The following TMEM272 variants were observed in gnomAD, a reference collection of about 807,000 sequenced individuals.
The protein encoded by TMEM272 is long intergenic non-protein coding RNA 282.
A neutral mutation model predicts 3.7 loss-of-function variants in TMEM272; 8 were observed. That is an observed-to-expected ratio of 2.17 (90% CI 1.27 to 3.91). TMEM272 has a LOEUF of 3.91. TMEM272 is among the 30% of genes most tolerant of loss of function. The pLI, the probability that TMEM272 is intolerant of heterozygous loss-of-function variation, is 0.00. For synonymous variants in TMEM272, 63 were observed against 39.8 expected, an observed-to-expected ratio of 1.58 and a Z score of -2.20; for missense variants, 166 against 91.5, an observed-to-expected ratio of 1.81 and a Z score of -3.32.
the TMEM272 span, among the ~76,000 whole-genome samples, chr13:51,930,732 C>T: frequency 1.3e-5 from 2 of 149,624 alleles, no homozygotes; most frequent in Non-Finnish European, 3.0e-5. Flanking sequence ...TACTAAAACA[C>T]TGTCATAATT....
chr13:51,908,999 T>C, the TMEM272 span: 1 of 1,450,782 alleles, frequency 6.9e-7, no homozygotes, highest in Admixed American at 1.7e-5. Flanking sequence ...AGAGTCTCAG[T>C]GGACCCTCCA....
the TMEM272 span, chr13:51,932,353 C>T: frequency 1.3e-5 from 2 of 152,236 alleles, no homozygotes; most frequent in Non-Finnish European, 2.9e-5. Flanking sequence ...GACACTCACC[C>T]TAGAACAGAG....
the TMEM272 span, among the ~76,000 whole-genome samples, chr13:51,918,290 T>C: frequency 1.3e-5 from 2 of 152,228 alleles, no homozygotes; most frequent in African/African-American, 2.4e-5. Context: ...GACAGCCCCC[T>C]GGTCCTCATC....
chr13:51,861,037 C>T, the TMEM272 span, among the ~76,000 whole-genome samples: 1 of 151,712 alleles, frequency 6.6e-6, no homozygotes, highest in Non-Finnish European at 1.5e-5. Context: ...CCGTTTGTCA[C>T]AAGATAGATG....
the TMEM272 span, among the ~76,000 whole-genome samples, chr13:51,900,724 C>T: frequency 3.3e-5 from 5 of 152,106 alleles, no homozygotes; most frequent in African/African-American, 4.8e-5. Context: ...TATCCATCAA[C>T]GAATGAGTGG....
chr13:51,915,439 T>C, the TMEM272 span, among the ~76,000 whole-genome samples: 2 of 152,234 alleles, frequency 1.3e-5, no homozygotes, highest in African/African-American at 4.8e-5. Flanking sequence ...ACATTAAGTA[T>C]GTTCCTGACA....
At chr13:51,878,286 C>T in the TMEM272 span, among the ~76,000 whole-genome samples, 1 of 152,072 alleles carries the variant, frequency 6.6e-6, no homozygotes, top group Non-Finnish European at 1.5e-5. Context: ...AAAAATTAGC[C>T]AGGCGTCGTG....
Position 51,816,628 on chromosome 13 carries a change from A to G in TMEM272, c.*123T>C, listed in dbSNP as rs1956028577. The G allele has an allele frequency of 1.7e-6, 1 of 593,730 alleles. No homozygotes were observed. The highest frequency in any genetic ancestry group is 1.9e-5 in the African/African-American group (1 of 53,758). The allele number at this position is 593,730 out of a possible 1,614,324, so 36.8% of individuals were successfully genotyped here. ...TTTAAATGCCTTCAGGGAAGGTTTT[A>G]TTACCTTTATGCCCTTCTCTGAACC... On this transcript the variant is annotated 3_prime_UTR_variant, in exon 5 of 5. Coordinates refer to ENST00000629372, the MANE Select transcript of TMEM272 (RefSeq NM_001351003.2).
chr13:51,888,639 CTTTTTTTTTTTT>C, the TMEM272 span, among the ~76,000 whole-genome samples: 3 of 76,794 alleles, frequency 3.9e-5, no homozygotes, highest in Admixed American at 5.7e-4. Flanking sequence ...TTTTCTTTTT[CTTTTTTTTTTTT>C]TTTTTTTTTT....
upstream of TMEM272, among the ~76,000 whole-genome samples, chr13:51,846,774 A>G (rs1956308708): frequency 6.6e-6 from 1 of 152,248 alleles, no homozygotes; most frequent in Non-Finnish European, 1.5e-5. Flanking sequence ...AATGTAATGT[A>G]TGTATAATGT....
rs1328255369 is a variant in TMEM272, at chr13:51,816,563, T to A, written c.*188A>T. The A allele has an allele frequency of 9.5e-6, 5 of 523,748 alleles. No homozygotes were observed. The highest frequency in any genetic ancestry group is 4.9e-4 in the Middle Eastern group (1 of 2,036). The allele number at this position is 523,748 out of a possible 1,614,324, so 32.4% of individuals were successfully genotyped here. On this transcript the variant is annotated 3_prime_UTR_variant, in exon 5 of 5. Coordinates refer to ENST00000629372, the MANE Select transcript of TMEM272 (RefSeq NM_001351003.2). Reference sequence around the variant, plus strand: ...CCCCATGTCTAGGAAGGCAAGAGTTTCTTTAGTCTGCTATTATATTCAGTG... The same window carrying A: ...CCCCATGTCTAGGAAGGCAAGAGTTACTTTAGTCTGCTATTATATTCAGTG...
chr13:51,885,608 C>G, the TMEM272 span, among the ~76,000 whole-genome samples: 1 of 152,240 alleles, frequency 6.6e-6, no homozygotes, highest in African/African-American at 2.4e-5. Context: ...CACAGCATAA[C>G]AGCAAATAAA....
At chr13:51,822,316 C>T (rs1259745343) in intron 3 of TMEM272, among the ~76,000 whole-genome samples, 179 bp from the exon 4 acceptor site, 2 of 152,080 alleles carry the variant, frequency 1.3e-5, no homozygotes, top group Non-Finnish European at 2.9e-5. Flanking sequence ...GGATTGACAC[C>T]GCAGAAATGG....
the TMEM272 span, among the ~76,000 whole-genome samples, chr13:51,929,273 C>T: frequency 6.6e-6 from 1 of 152,160 alleles, no homozygotes; most frequent in African/African-American, 2.4e-5. Context: ...AATACGTTGA[C>T]TGTCGAGTCA....
chr13:51,897,310 C>T, the TMEM272 span, among the ~76,000 whole-genome samples: 1 of 151,114 alleles, frequency 6.6e-6, no homozygotes, highest in Non-Finnish European at 1.5e-5. Flanking sequence ...ACCATCCTAT[C>T]TCAGCCTCCA....
In TMEM272 at chr13:51,826,565, C is replaced by A. The variant is rs1956127044; in HGVS notation, c.118+1G>T. 1.4e-6 allele frequency: 1 copy of A among 702,434 alleles called. No homozygotes were observed. The highest frequency in any genetic ancestry group is 2.6e-6 in the Non-Finnish European group (1 of 384,998). 43.5% of individuals were successfully genotyped at this position (702,434 alleles called of 1,614,324 possible). A position where few individuals can be genotyped will look rare whatever the true frequency, so the allele number is the denominator to read the frequency against. On this transcript the variant is annotated splice_donor_variant, in intron 3 of 4. Coordinates refer to ENST00000629372, the MANE Select transcript of TMEM272 (RefSeq NM_001351003.2). LOFTEE classifies it high-confidence loss of function. ...GTCCAGCAGCTCGGAAGGCAGCTTA[C>A]CTATGAAGGTCATGGACAGCGGCAG...
At chr13:51,820,033 T>C (rs969035233) in intron 4 of TMEM272, among the ~76,000 whole-genome samples, 6 of 152,218 alleles carry the variant, frequency 3.9e-5, no homozygotes, top group African/African-American at 9.7e-5. Flanking sequence ...GTTAGGATGA[T>C]AAATTACACG....
At chr13:51,901,190 A>G in the TMEM272 span, among the ~76,000 whole-genome samples, 1 of 152,240 alleles carries the variant, frequency 6.6e-6, no homozygotes, top group East Asian at 1.9e-4. Context: ...TAATGTCCAC[A>G]CAACCTCATC....
the TMEM272 span, chr13:51,865,869 G>A: frequency 1.2e-6 from 2 of 1,613,704 alleles, no homozygotes; most frequent in Non-Finnish European, 1.7e-6. Context: ...AAGGCCCTGT[G>A]GGTAGAGGAA....
Sources: gnomAD v4.1 joint callset for allele counts (sites outside exome capture counted in the v4.1 genomes callset) on GRCh38, gnomAD v4.1.1 for gene constraint, MANE v1.5 for transcripts, NCBI Gene and HGNC (gene_info 2026-07-23, HGNC 2026-07-21) for gene names.